EIF4G3: variants seen among roughly 807,000 people sequenced by gnomAD.
EIF4G3 encodes the protein eIF-4-gamma 3.
In EIF4G3, 34 loss-of-function variants were observed where a neutral mutation model predicts 186.4. The ratio of observed to expected loss-of-function variants is 0.18; its 90% confidence interval spans 0.14 to 0.24. The LOEUF (loss-of-function observed/expected upper bound fraction) is 0.24, where lower values mean the gene tolerates loss of function less well. Ranked by LOEUF, EIF4G3 falls within the 10% of genes least tolerant of loss-of-function variation. The pLI is 1.00. For missense variants in EIF4G3, 1,536 were observed against 1,948.5 expected (o/e 0.79, Z 3.99); for synonymous variants, 673 against 679.5 (o/e 0.99, Z 0.15).
At chr1:21,072,354 G>C (rs983020475) in intron 3 of EIF4G3, among the ~76,000 whole-genome samples, 3 of 152,046 alleles carry the variant, frequency 2.0e-5, no homozygotes, top group Admixed American at 2.0e-4. Flanking sequence ...GGCAACATAG[G>C]GAGATCCCAT....
intron 5 of EIF4G3, 58 bp downstream of exon 5, chr1:21,002,655 A>G (rs2083836233): frequency 6.4e-7 from 1 of 1,566,294 alleles, no homozygotes; most frequent in Admixed American, 1.9e-5. Context: ...AACCCAAGCC[A>G]CTACACACAC....
chr1:21,097,669 A>G (rs886579707), intron 2 of EIF4G3, among the ~76,000 whole-genome samples: 5 of 152,242 alleles, frequency 3.3e-5, no homozygotes, highest in Non-Finnish European at 7.3e-5. Flanking sequence ...ACACAAATGT[A>G]GTGAATCGAT....
At chr1:21,060,782 G>GAAAAAAAA (rs34598369) in intron 3 of EIF4G3, among the ~76,000 whole-genome samples, 7 of 117,350 alleles carry the variant, frequency 6.0e-5, no homozygotes, top group Non-Finnish European at 6.8e-5. Flanking sequence ...TGTCTCTTAA[G>GAAAAAAAA]AAAAAAAAAA....
At chr1:20,924,290 C>A (rs1438033178) in intron 14 of EIF4G3, among the ~76,000 whole-genome samples, 1 of 152,084 alleles carries the variant, frequency 6.6e-6, no homozygotes, top group African/African-American at 2.4e-5. Context: ...GAACTGAATA[C>A]TAAATCTTAT....
intron 12 of EIF4G3, among the ~76,000 whole-genome samples, chr1:20,964,805 A>C (rs1263758661): frequency 6.6e-6 from 1 of 152,242 alleles, no homozygotes; most frequent in African/African-American, 2.4e-5. Context: ...TGACCATGAT[A>C]AAACCTAATG....
intron 26 of EIF4G3, among the ~76,000 whole-genome samples, chr1:20,854,417 G>C (rs2074245804): frequency 6.6e-6 from 1 of 151,858 alleles, no homozygotes; most frequent in Admixed American, 6.6e-5. Context: ...GGTCTTAGTG[G>C]CTGAGTGTGG....
At chr1:21,018,812 C>T (rs1461603884) in intron 4 of EIF4G3, among the ~76,000 whole-genome samples, 2 of 152,090 alleles carry the variant, frequency 1.3e-5, no homozygotes, top group Non-Finnish European at 2.9e-5. Context: ...ACACACCTCC[C>T]CCTCACCTTT....
chr1:21,062,164 T>A (rs2154578590), intron 3 of EIF4G3, among the ~76,000 whole-genome samples: 1 of 152,116 alleles, frequency 6.6e-6, no homozygotes, highest in South Asian at 2.1e-4. Flanking sequence ...GCTCAAGCAA[T>A]CCTCTCGTTT....
intron 14 of EIF4G3, among the ~76,000 whole-genome samples, chr1:20,923,423 A>G (rs1442793288): frequency 6.6e-6 from 1 of 152,200 alleles, no homozygotes; most frequent in Non-Finnish European, 1.5e-5. Context: ...GCATTTTAAT[A>G]AGACACTTTT....
chr1:21,111,389 A>G, intron 2 of EIF4G3: 1 of 471,602 alleles, frequency 2.1e-6, no homozygotes, highest in South Asian at 1.5e-5. Flanking sequence ...GATTGCTGGA[A>G]AGAATTAGCA....
chr1:20,843,619 G>T (rs1464000646), intron 29 of EIF4G3, among the ~76,000 whole-genome samples: 2 of 152,070 alleles, frequency 1.3e-5, no homozygotes, highest in African/African-American at 2.4e-5. Context: ...TTGCATAAAG[G>T]GTCAATTAGC....
intron 20 of EIF4G3, among the ~76,000 whole-genome samples, chr1:20,874,152 C>T (rs886806561): frequency 7.9e-5 from 12 of 152,200 alleles, no homozygotes; most frequent in African/African-American, 1.9e-4. Context: ...AATAAACACA[C>T]GTGTGCATGT....
At chr1:20,864,049 T>C (rs765824783) in intron 22 of EIF4G3, among the ~76,000 whole-genome samples, 29 of 152,290 alleles carry the variant, frequency 1.9e-4, no homozygotes, top group Admixed American at 7.9e-4. Flanking sequence ...TTAAATAGCA[T>C]ACATTATTAC....
At chr1:20,832,297 C>CAT (rs2065503128) in intron 30 of EIF4G3, among the ~76,000 whole-genome samples, 1 of 122,672 alleles carries the variant, frequency 8.2e-6, no homozygotes, top group African/African-American at 3.0e-5. Flanking sequence ...TAATGATTGC[C>CAT]ATTCTAACTG....
chr1:20,968,966 A>C (rs768550765), intron 12 of EIF4G3, among the ~76,000 whole-genome samples: 6 of 152,186 alleles, frequency 3.9e-5, no homozygotes, highest in Non-Finnish European at 7.3e-5. Flanking sequence ...GACACTCTGC[A>C]CTCAAGAAGC....
chr1:20,843,499 A>T (rs1306065642), intron 29 of EIF4G3, among the ~76,000 whole-genome samples: 1 of 152,088 alleles, frequency 6.6e-6, no homozygotes, highest in Non-Finnish European at 1.5e-5. Context: ...CCTGGGCGAC[A>T]CGGTGAGACT....
intron 15 of EIF4G3, 89 bp from the exon 16 acceptor site, chr1:20,900,032 A>T: frequency 7.7e-7 from 1 of 1,295,840 alleles, no homozygotes; most frequent in Admixed American, 2.3e-5. Context: ...CAAAAAGCAA[A>T]GGAAAACATG....
intron 15 of EIF4G3, among the ~76,000 whole-genome samples, chr1:20,902,443 T>C (rs1309019296): frequency 1.3e-5 from 2 of 152,084 alleles, no homozygotes. Flanking sequence ...CAGAAACAAA[T>C]TATTTTAAAA....
At chr1:21,068,926 A>G (rs1557808027) in intron 3 of EIF4G3, among the ~76,000 whole-genome samples, 1 of 152,194 alleles carries the variant, frequency 6.6e-6, no homozygotes, top group Non-Finnish European at 1.5e-5. Flanking sequence ...TGCTCCATTG[A>G]GCATTTCCTT....
Sources: gnomAD v4.1 joint callset for allele counts (sites outside exome capture counted in the v4.1 genomes callset) on GRCh38, gnomAD v4.1.1 for gene constraint, MANE v1.5 for transcripts, NCBI Gene and HGNC (gene_info 2026-07-23, HGNC 2026-07-21) for gene names.